CAMSAP1: variants seen among roughly 807,000 people sequenced by gnomAD.
CAMSAP1 encodes calmodulin regulated spectrin associated protein 1.
CAMSAP1 carries 58 observed loss-of-function variants against 143.5 expected under a neutral mutation model. The ratio of observed to expected loss-of-function variants is 0.40; its 90% CI spans 0.33 to 0.50. The LOEUF (loss-of-function observed/expected upper bound fraction) is 0.50, where lower values mean the gene tolerates loss of function less well. Among genes scored for constraint, CAMSAP1 ranks in the 20% least tolerant of loss-of-function variants. The pLI is 0.45. For synonymous variants in CAMSAP1, 945 were observed against 859.3 expected (o/e 1.10, Z -1.74); for missense variants, 1,969 against 2,115.7 (o/e 0.93, Z 1.36).
chr9:135,818,062 T>A lies in CAMSAP1; in HGVS notation c.4186A>T (p.Thr1396Ser), dbSNP rs758786593. 6.2e-7 allele frequency: 1 copy of A among 1,613,608 alleles called. No individual in the cohort carries two copies. The highest frequency in any genetic ancestry group is 1.3e-5 in the African/African-American group (1 of 75,012). The change falls in exon 14 of 17, where the codon ACT becomes TCT. Residue 1396 changes from threonine (T) to serine (S), a missense_variant. By Grantham distance (58) the Thr-to-Ser change is moderately conservative (BLOSUM62 1). Around this residue, in one of 4 missense-constraint regions of CAMSAP1, gnomAD observed 1,390 missense variants for 1,420.8 expected, o/e 0.98. Coordinates refer to ENST00000389532, the MANE Select transcript of CAMSAP1 (RefSeq NM_015447.4). This position sits in a 1 kb window ranked among gnomAD's most constrained non-coding sequence, Gnocchi z 7.7. ...AAGGACAGGCTGGAGCCTGACTGAG[T>A]CCGGCTCAAGTTATCAGCTGCCAGA... ...CSSTPDNLSR[T>S]QSGSSLSLAS... is the part of the protein sequence containing the mutation.
chr9:135,888,668 A>G (rs894789570), intron 1 of CAMSAP1, among the ~76,000 whole-genome samples: 1 of 152,182 alleles, frequency 6.6e-6, no homozygotes, highest in Non-Finnish European at 1.5e-5. Context: ...GAGGCCCCAA[A>G]GGTGAGTGTC....
chr9:135,906,471 A>G, intron 1 of CAMSAP1, among the ~76,000 whole-genome samples: 1 of 152,248 alleles, frequency 6.6e-6, no homozygotes, highest in South Asian at 2.1e-4. Context: ...GTTCTTCCAA[A>G]CAGGAATTAA....
chr9:135,857,604 C>T (rs969837358), intron 5 of CAMSAP1, among the ~76,000 whole-genome samples: 10 of 152,240 alleles, frequency 6.6e-5, no homozygotes, highest in Non-Finnish European at 2.9e-5. Context: ...CCTGCACCAT[C>T]TCTGTTGATT....
At position 135,823,010 on chromosome 9, in the gene CAMSAP1, C is replaced by A; in HGVS notation, c.1651G>T (p.Val551Phe). The A allele has an allele frequency of 6.2e-7, 1 of 1,613,984 alleles. No individual in the cohort carries two copies. The highest frequency in any genetic ancestry group is 8.5e-7 in the Non-Finnish European group (1 of 1,179,888). Reference sequence around the variant, plus strand: ...AACTCCGGGTCAGCCTGCTGGGGAACCACGTCTGCTCTAACAATAGCCACA... The same window carrying A: ...AACTCCGGGTCAGCCTGCTGGGGAAACACGTCTGCTCTAACAATAGCCACA... ...ELVAIVRADV[V>F]PQQADPEFPR... The change falls in exon 11 of 17, where the codon GTT (valine) becomes TTT (phenylalanine). Residue 551 changes from valine to phenylalanine, a missense_variant. Transcript: ENST00000389532.
At chr9:135,852,088 C>G (rs577231245) in intron 5 of CAMSAP1, among the ~76,000 whole-genome samples, 2 of 152,298 alleles carry the variant, frequency 1.3e-5, no homozygotes, top group Admixed American at 1.3e-4. Context: ...AAACAGCATG[C>G]CTCTGATGAC....
chr9:135,822,027 C>T lies in CAMSAP1; in HGVS notation c.2634G>A (p.Leu878=), dbSNP rs777198314. The T allele has an allele frequency of 1.2e-6, 2 of 1,612,816 alleles. No homozygotes were observed. Among genetic ancestry groups the T allele is most frequent in the Non-Finnish European group, 1.7e-6 (2 of 1,179,608 alleles). ...CCTCCAGCTGCATGTGCAGCTGTACCAGCTCAGATGCCAGGAGGCTGGCGG... is the reference window on the plus strand; with the variant it reads ...CCTCCAGCTGCATGTGCAGCTGTACTAGCTCAGATGCCAGGAGGCTGGCGG... The part of the protein sequence containing the change: ...KDPASLLASE[L]VQLHMQLEEK... Residue 878 remains leucine, a synonymous_variant, in exon 11 of 17, where the codon CTG becomes CTA. Coordinates refer to ENST00000389532, the MANE Select transcript of CAMSAP1 (RefSeq NM_015447.4). This position sits in a 1 kb window ranked among gnomAD's most constrained non-coding sequence, Gnocchi z 6.1.
At chr9:135,890,432 TC>T (rs1838255358) in intron 1 of CAMSAP1, among the ~76,000 whole-genome samples, 2 of 151,922 alleles carry the variant, frequency 1.3e-5, no homozygotes, top group African/African-American at 2.4e-5. Context: ...GACCGCGGTT[TC>T]CCCCTGAGGG....
intron 1 of CAMSAP1, among the ~76,000 whole-genome samples, chr9:135,889,674 T>C (rs1339169776): frequency 6.6e-6 from 1 of 152,222 alleles, no homozygotes. Flanking sequence ...GAGACCTCAC[T>C]GGGCCAGGAG....
intron 7 of CAMSAP1, among the ~76,000 whole-genome samples, chr9:135,834,511 G>C (rs1835953195): frequency 6.6e-6 from 1 of 152,196 alleles, no homozygotes; most frequent in South Asian, 2.1e-4. Flanking sequence ...AACACAGATG[G>C]ACCTGGAAGA....
chr9:135,881,382 C>T (rs1837943276), intron 3 of CAMSAP1, among the ~76,000 whole-genome samples: 1 of 151,768 alleles, frequency 6.6e-6, no homozygotes. Context: ...AATTTAAAGG[C>T]ACTCAAAGTA....
At chr9:135,906,630 G>A (rs540455162) in intron 1 of CAMSAP1, among the ~76,000 whole-genome samples, 49 of 152,336 alleles carry the variant, frequency 3.2e-4, no homozygotes, top group Non-Finnish European at 5.7e-4. Context: ...TGCCCGGCGC[G>A]CCGGGAAGCG....
chr9:135,872,153 T>C (rs941363998), intron 3 of CAMSAP1, among the ~76,000 whole-genome samples: 1 of 151,670 alleles, frequency 6.6e-6, no homozygotes, highest in Non-Finnish European at 1.5e-5. Flanking sequence ...ACTCTTGATG[T>C]ATGCAAAGGA....
intron 8 of CAMSAP1, 81 bp downstream of exon 8, chr9:135,827,326 A>G: frequency 7.8e-7 from 1 of 1,285,392 alleles, no homozygotes; most frequent in Non-Finnish European, 1.0e-6. Context: ...TAAAAAAGGT[A>G]ACTTCAATTA....
chr9:135,889,130 T>C (rs115129333), intron 1 of CAMSAP1, among the ~76,000 whole-genome samples: 2,112 of 152,324 alleles, frequency 0.014, 36 homozygotes, highest in African/African-American at 0.045. Context: ...GCAGCCACTC[T>C]GAGGGCCACA....
chr9:135,827,394 A>C lies in CAMSAP1; in HGVS notation c.1223+13T>G. The C allele has an allele frequency of 6.7e-7, 1 of 1,486,420 alleles. No individual in the cohort carries two copies. The highest frequency in any genetic ancestry group is 9.0e-7 in the Non-Finnish European group (1 of 1,106,300). 92.1% of individuals were successfully genotyped at this position (1,486,420 alleles called of 1,614,324 possible). On this transcript the variant is annotated intron_variant, in intron 8 of 16. Coordinates refer to ENST00000389532, the MANE Select transcript of CAMSAP1 (RefSeq NM_015447.4). The stretch of plus-strand genomic sequence containing the variant: ...ATGGTGAACTGATTCTGAAAGCAGA[A>C]AGACAGACTTACAGGTATTCAGGTT...
chr9:135,872,300 G>A (rs893310790), intron 3 of CAMSAP1, among the ~76,000 whole-genome samples: 4 of 152,132 alleles, frequency 2.6e-5, no homozygotes, highest in South Asian at 2.1e-4. Context: ...AAAGGTCAGC[G>A]AGGAAAAGAT....
intron 7 of CAMSAP1, among the ~76,000 whole-genome samples, chr9:135,847,647 T>C (rs985037665): frequency 1.3e-5 from 2 of 148,298 alleles, no homozygotes; most frequent in Admixed American, 6.8e-5. Flanking sequence ...TAAGTGGGAG[T>C]TGAACAATGA....
Position 135,823,068 on chromosome 9 carries a change from G to A in CAMSAP1, c.1593C>T (p.Ser531=), listed in dbSNP as rs977624034. The A allele has an allele frequency of 3.3e-5, 53 of 1,613,884 alleles. No individual in the cohort carries two copies. The highest frequency in any genetic ancestry group is 3.9e-5 in the Non-Finnish European group (46 of 1,179,904). The change falls in exon 11 of 17, where the codon AGC becomes AGT. Residue 531 remains serine (S), a synonymous_variant. Coordinates refer to ENST00000389532, the MANE Select transcript of CAMSAP1 (RefSeq NM_015447.4). ...CTTCCTCATCCTCAATACTGACATT[G>A]CTCAGGAGGCTCTTCCCGTGGCTCT... The part of the protein sequence containing the change: ...ATKSHGKSLL[S]NVSIEDEEEE...
At chr9:135,819,859 C>T (rs1334213931) in intron 11 of CAMSAP1, among the ~76,000 whole-genome samples, 1 of 149,728 alleles carries the variant, frequency 6.7e-6, no homozygotes, top group African/African-American at 2.4e-5. Flanking sequence ...AAAAAAAAAG[C>T]GAAAAAGTGA....
Sources: allele counts gnomAD v4.1 joint callset (sites outside exome capture counted in the v4.1 genomes callset), GRCh38; gene constraint gnomAD v4.1.1; regional missense constraint gnomAD v4.1.1; non-coding constraint Gnocchi (gnomAD v3.1); transcripts MANE v1.5; gene names NCBI Gene and HGNC (gene_info 2026-07-23, HGNC 2026-07-21).